SCUBE2: variants seen among roughly 807,000 people sequenced by gnomAD.
The protein encoded by SCUBE2 is signal peptide, CUB and EGF-like domain-containing protein 2.
Under a neutral mutation model 125.9 loss-of-function variants are expected in SCUBE2, and 114 were observed. That is an observed-to-expected ratio of 0.91 (90% confidence interval 0.78 to 1.06). The LOEUF is 1.06. SCUBE2 is among the 50% of genes least tolerant of loss of function. The pLI is 0.00. For synonymous variants in SCUBE2, 459 were observed against 492.9 expected (o/e 0.93, Z 0.91); for missense variants, 1,255 against 1,301.8 (o/e 0.96, Z 0.55).
chr11:9,072,236 T>C (rs1860861858), intron 4 of SCUBE2, among the ~76,000 whole-genome samples: 1 of 152,112 alleles, frequency 6.6e-6, no homozygotes. Context: ...TGAGGTGGAG[T>C]CTCACTCTGT....
chr11:9,069,916 A>G (rs1860615285), intron 4 of SCUBE2, among the ~76,000 whole-genome samples: 1 of 152,146 alleles, frequency 6.6e-6, no homozygotes, highest in South Asian at 2.1e-4. Flanking sequence ...TTTTTCACAT[A>G]CTCTTGAAGA....
chr11:9,050,839 C>G (rs1258398910), intron 13 of SCUBE2, 129 bp from the exon 14 acceptor site: 2 of 732,184 alleles, frequency 2.7e-6, no homozygotes, highest in Admixed American at 4.1e-5. Context: ...CTCTCCTACC[C>G]TGAGGCTAAG....
In SCUBE2 at chr11:9,069,408, G is replaced by A. The variant is rs542094824; in HGVS notation, c.605C>T (p.Pro202Leu). The A allele has an allele frequency of 5.0e-6, 8 of 1,614,234 alleles. No homozygotes were observed. In the East Asian group the frequency reaches 1.8e-4, roughly 36 times the overall value. ...PRGSVACECR[P>L]GFELAKNQRD... ...CTGGTTCTTGGCCAGCTCAAAACCA[G>A]GCCTGCACTCACAGGCGACGCTGCC... The change falls in exon 5 of 23, where the codon CCT becomes CTT. Residue 202 changes from proline (P) to leucine (L), a missense_variant. By Grantham distance (98) the Pro-to-Leu change is moderately conservative (BLOSUM62 -3). This residue lies in a region of SCUBE2 where 362 missense variants were observed against 323.0 expected (regional missense o/e 1.12). Coordinates refer to ENST00000649792, the MANE Select transcript of SCUBE2 (RefSeq NM_001367977.2).
chr11:9,030,758 C>T lies in SCUBE2; in HGVS notation c.2341G>A (p.Val781Ile). The change falls in exon 18 of 23, where the codon GTT (valine) becomes ATT (isoleucine). Residue 781 changes from valine (V) to isoleucine (I), a missense_variant and splice_region_variant. Coordinates refer to ENST00000649792, the MANE Select transcript of SCUBE2 (RefSeq NM_001367977.2). The stretch of plus-strand genomic sequence containing the variant: ...AAAAGGCAAGCTGCCAAGTACTCAC[C>T]TCTGGTTTCACAGTCCTGAAAGGAA... Reference protein sequence around the residue: ...ATSFQDCETRVQCSPGHFYNT... With the variant: ...ATSFQDCETRIQCSPGHFYNT... The T allele has an allele frequency of 6.2e-7, 1 of 1,612,918 alleles. No individual in the cohort carries two copies. Among genetic ancestry groups the T allele is most frequent in the South Asian group, 1.1e-5 (1 of 90,710 alleles).
At chr11:9,079,322 C>A in intron 3 of SCUBE2, 62 bp downstream of exon 3, 2 of 1,601,536 alleles carry the variant, frequency 1.2e-6, no homozygotes, top group African/African-American at 1.3e-5. Context: ...GAGGTCTTCA[C>A]CAAGGGAAAG....
At chr11:9,088,849 T>C (rs1392973763) in intron 2 of SCUBE2, among the ~76,000 whole-genome samples, 1 of 152,074 alleles carries the variant, frequency 6.6e-6, no homozygotes, top group African/African-American at 2.4e-5. Context: ...AAACGTGGGG[T>C]TGGGGACAGA....
intron 17 of SCUBE2, among the ~76,000 whole-genome samples, chr11:9,033,005 A>T (rs1856445662): frequency 6.6e-6 from 1 of 152,178 alleles, no homozygotes; most frequent in Non-Finnish European, 1.5e-5. Flanking sequence ...TGGCCATCAG[A>T]TATAAATCAC....
At chr11:9,084,385 A>T (rs945028020) in intron 2 of SCUBE2, among the ~76,000 whole-genome samples, 3 of 152,240 alleles carry the variant, frequency 2.0e-5, no homozygotes, top group Non-Finnish European at 4.4e-5. Context: ...GAAATGCAAA[A>T]TTACCAGGAG....
In SCUBE2 at chr11:9,025,742, G is replaced by A; in HGVS notation, c.2814C>T (p.Asn938=). 1 of 1,614,198 alleles carries A rather than the reference G, an allele frequency of 6.2e-7. No homozygotes were observed. Among genetic ancestry groups the A allele is most frequent in the Non-Finnish European group, 8.5e-7 (1 of 1,180,046 alleles). ...LWIQFKSNEG[N]SARGFQVPYV... ...ATGGGACCTGGAACCCTCTAGCGCT[G>A]TTCCCTTCATTGGACTTGAACTGAA... Residue 938 remains asparagine, a synonymous_variant, in exon 21 of 23, where the codon AAC becomes AAT. Transcript: ENST00000649792.
chr11:9,063,706 G>T (rs1024839031), intron 7 of SCUBE2, among the ~76,000 whole-genome samples: 2 of 152,214 alleles, frequency 1.3e-5, no homozygotes, highest in Non-Finnish European at 2.9e-5. Context: ...CAACAGGAGA[G>T]CGGCAAAGGG....
At position 9,053,190 on chromosome 11, in the gene SCUBE2, A is replaced by G; in HGVS notation, c.1356T>C (p.Ser452=). Residue 452 remains serine (S), a synonymous_variant, in exon 12 of 23, where the codon AGT becomes AGC. Transcript: ENST00000649792. ...AGTGCAGGGACACACGGGGTGACAC[A>G]CTTGTGGGCAGGAGCCCCTTCACTT... ...CVEVKGLLPT[S]VSPRVSLHCG... 1 of 1,614,164 alleles carries G rather than the reference A, an allele frequency of 6.2e-7. No homozygotes were observed. Among genetic ancestry groups the G allele is most frequent in the Non-Finnish European group, 8.5e-7 (1 of 1,180,002 alleles).
At chr11:9,076,553 G>A (rs1475720044) in intron 3 of SCUBE2, among the ~76,000 whole-genome samples, 1 of 151,858 alleles carries the variant, frequency 6.6e-6, no homozygotes, top group Non-Finnish European at 1.5e-5. Flanking sequence ...CATCACCCGA[G>A]CCAGAGAAGA....
At chr11:9,035,615 A>G (rs1203770459) in intron 16 of SCUBE2, among the ~76,000 whole-genome samples, 1 of 152,170 alleles carries the variant, frequency 6.6e-6, no homozygotes, top group Non-Finnish European at 1.5e-5. Flanking sequence ...ATCCTATTCT[A>G]CAAATGCAAT....
chr11:9,051,911 C>G (rs1265454371), intron 13 of SCUBE2, among the ~76,000 whole-genome samples: 1 of 152,142 alleles, frequency 6.6e-6, no homozygotes, highest in Admixed American at 6.5e-5. Context: ...TGGCTGAGTC[C>G]AAACGTGCAT....
intron 16 of SCUBE2, among the ~76,000 whole-genome samples, chr11:9,037,645 T>C (rs1883100): frequency 0.73 from 111,074 of 152,232 alleles, 40,841 homozygotes; most frequent in East Asian, 0.9. Flanking sequence ...AGTCCAGAGG[T>C]GCTGATGCCC....
intron 2 of SCUBE2, among the ~76,000 whole-genome samples, chr11:9,087,628 G>A (rs926724375): frequency 1.3e-5 from 2 of 152,132 alleles, no homozygotes; most frequent in South Asian, 4.1e-4. Flanking sequence ...CAATGGGAGC[G>A]GTGGGAGCCT....
At chr11:9,039,667 C>A (rs570676583) in intron 16 of SCUBE2, among the ~76,000 whole-genome samples, 1 of 152,232 alleles carries the variant, frequency 6.6e-6, no homozygotes, top group South Asian at 2.1e-4. Context: ...AAATAAGAAA[C>A]AAACGAAGCT....
chr11:9,087,077 T>C (rs1283047794), intron 2 of SCUBE2, among the ~76,000 whole-genome samples: 1 of 152,044 alleles, frequency 6.6e-6, no homozygotes, highest in Non-Finnish European at 1.5e-5. Context: ...CAATCACATA[T>C]CATTTTAAAA....
intron 9 of SCUBE2, among the ~76,000 whole-genome samples, chr11:9,058,680 C>T (rs71476814): frequency 0.16 from 23,832 of 145,808 alleles, 2,121 homozygotes; most frequent in Middle Eastern, 0.26. Flanking sequence ...CCCAGCTACT[C>T]GGGAGGCTGA....
Sources: gnomAD v4.1 joint callset for allele counts (sites outside exome capture counted in the v4.1 genomes callset) on GRCh38, gnomAD v4.1.1 for gene constraint, gnomAD v4.1.1 regional missense constraint, MANE v1.5 for transcripts, NCBI Gene and HGNC (gene_info 2026-07-23, HGNC 2026-07-21) for gene names.